Variants in SYT9 observed in about 807,000 individuals in gnomAD.
SYT9 encodes the protein synaptotagmin-9.
SYT9 carries 22 observed loss-of-function variants against 48.4 expected under a neutral mutation model. The observed-to-expected ratio is 0.45, with a 90% CI of 0.32 to 0.65. The LOEUF (loss-of-function observed/expected upper bound fraction) is 0.65, where lower values mean the gene tolerates loss of function less well. SYT9 is among the 30% of genes least tolerant of loss of function. The probability of loss-of-function intolerance (pLI) is 0.03; values close to 1 mark genes in which losing one functional copy is unlikely to be tolerated. For missense variants in SYT9, 577 were observed against 622.0 expected, an observed-to-expected ratio of 0.93 and a Z score of 0.77; for synonymous variants, 265 against 245.0, an observed-to-expected ratio of 1.08 and a Z score of -0.76.
At chr11:7,354,561 C>T (rs779694644) in intron 3 of SYT9, among the ~76,000 whole-genome samples, 1 of 152,124 alleles carries the variant, frequency 6.6e-6, no homozygotes, top group Admixed American at 6.6e-5. Flanking sequence ...GACTTCCTTC[C>T]TTTAATCTGA....
intron 1 of SYT9, among the ~76,000 whole-genome samples, chr11:7,297,090 GAGAGAGAGAGAC>G (rs1848826950): frequency 6.0e-5 from 9 of 150,408 alleles, no homozygotes; most frequent in South Asian, 4.3e-4. Context: ...GTGTGTGAGA[GAGAGAGAGAGAC>G]AGAGAGAGAG....
intron 6 of SYT9, chr11:7,441,557 C>G (rs1395066109): frequency 2.0e-5 from 3 of 152,168 alleles, no homozygotes; most frequent in Admixed American, 6.5e-5. Flanking sequence ...ATTGTAGATT[C>G]TGTGGTTAAT....
At chr11:7,448,685 C>G (rs1847984466) in intron 6 of SYT9, among the ~76,000 whole-genome samples, 1 of 152,238 alleles carries the variant, frequency 6.6e-6, no homozygotes, top group South Asian at 2.1e-4. Flanking sequence ...AGTGGCAAAA[C>G]CTGCTCTACA....
intron 3 of SYT9, among the ~76,000 whole-genome samples, chr11:7,322,832 T>C (rs901682627): frequency 6.6e-6 from 1 of 152,174 alleles, no homozygotes; most frequent in African/African-American, 2.4e-5. Context: ...ATTATCTGTA[T>C]ACTGAATTTT....
intron 3 of SYT9, among the ~76,000 whole-genome samples, chr11:7,401,283 C>G (rs1169385978): frequency 6.6e-6 from 1 of 151,052 alleles, no homozygotes; most frequent in Non-Finnish European, 1.5e-5. Flanking sequence ...ATTATCCTGT[C>G]CCCAAGACAT....
chr11:7,286,112 A>G (rs1305891970), intron 1 of SYT9, among the ~76,000 whole-genome samples: 1 of 151,754 alleles, frequency 6.6e-6, no homozygotes, highest in Admixed American at 6.6e-5. Context: ...CCCAGTGGGG[A>G]CTCTGTGTGA....
chr11:7,249,371 A>C (rs1847831442), upstream of SYT9, among the ~76,000 whole-genome samples: 1 of 152,192 alleles, frequency 6.6e-6, no homozygotes, highest in African/African-American at 2.4e-5. Context: ...GCAGGCCCAA[A>C]TTCAAGCAGA....
chr11:7,464,905 A>G (rs1244651635), intron 6 of SYT9, among the ~76,000 whole-genome samples: 1 of 150,970 alleles, frequency 6.6e-6, no homozygotes, highest in Non-Finnish European at 1.5e-5. Context: ...ACACAGTGAA[A>G]CCCCGTCTCT....
chr11:7,381,109 A>T (rs1211313758), intron 3 of SYT9, among the ~76,000 whole-genome samples: 1 of 152,150 alleles, frequency 6.6e-6, no homozygotes, highest in Non-Finnish European at 1.5e-5. Context: ...CTAGATTATA[A>T]ATTCACCTCA....
chr11:7,337,898 C>T (rs1423629385), intron 3 of SYT9, among the ~76,000 whole-genome samples: 1 of 152,182 alleles, frequency 6.6e-6, no homozygotes, highest in African/African-American at 2.4e-5. Flanking sequence ...GGAGGATTCC[C>T]TCCTCCACAG....
At chr11:7,294,171 A>G (rs533391930) in intron 1 of SYT9, among the ~76,000 whole-genome samples, 2 of 152,278 alleles carry the variant, frequency 1.3e-5, no homozygotes, top group African/African-American at 4.8e-5. Flanking sequence ...CACCTTCATT[A>G]CTTAATCATC....
chr11:7,388,667 T>C (rs945527228), intron 3 of SYT9, among the ~76,000 whole-genome samples: 2 of 152,230 alleles, frequency 1.3e-5, no homozygotes, highest in African/African-American at 4.8e-5. Flanking sequence ...TTGAAATTTA[T>C]TATTTTTATT....
chr11:7,352,111 G>T (rs1474710856), intron 3 of SYT9, among the ~76,000 whole-genome samples: 1 of 152,150 alleles, frequency 6.6e-6, no homozygotes, highest in African/African-American at 2.4e-5. Context: ...ATCCCTGAGG[G>T]GCTTGGGAAA....
At chr11:7,435,627 C>T (rs1208801182) in intron 6 of SYT9, 1 of 152,206 alleles carries the variant, frequency 6.6e-6, no homozygotes, top group African/African-American at 2.4e-5. Flanking sequence ...AGTCTCTGCA[C>T]TTTAAAAGAG....
At chr11:7,358,264 T>A (rs191323153) in intron 3 of SYT9, among the ~76,000 whole-genome samples, 1,842 of 151,272 alleles carry the variant, frequency 0.012, 33 homozygotes, top group African/African-American at 0.041. Context: ...ATAGACATTG[T>A]CTTCTTTTAA....
At chr11:7,341,349 C>A (rs1849708926) in intron 3 of SYT9, among the ~76,000 whole-genome samples, 1 of 152,140 alleles carries the variant, frequency 6.6e-6, no homozygotes, top group African/African-American at 2.4e-5. Flanking sequence ...AAATGTAGCT[C>A]CCACAATCCC....
chr11:7,360,562 C>T (rs570417177), intron 3 of SYT9, among the ~76,000 whole-genome samples: 1 of 152,212 alleles, frequency 6.6e-6, no homozygotes, highest in African/African-American at 2.4e-5. Context: ...TGAAGAGGTC[C>T]TTCACGTCCC....
chr11:7,262,936 C>T lies in SYT9; in HGVS notation c.145+10605C>T, dbSNP rs113959212. 6.4e-3 allele frequency among the ~76,000 whole-genome samples: 967 copies of T among 152,082 alleles called. 12 individuals are homozygous for T. The highest frequency in any genetic ancestry group is 0.022 in the African/African-American group (916 of 41,458). ...CAAGGGTTGTATTTATTTATTTATT[C>T]GTAAGTTAGGAGACTTAACAGCACC... On this transcript the variant is annotated intron_variant, in intron 1 of 6. Coordinates refer to ENST00000318881, the MANE Select transcript of SYT9 (RefSeq NM_175733.4).
At chr11:7,401,041 T>A (rs1846879999) in intron 3 of SYT9, among the ~76,000 whole-genome samples, 1 of 152,072 alleles carries the variant, frequency 6.6e-6, no homozygotes, top group Admixed American at 6.6e-5. Flanking sequence ...TGAATAAATA[T>A]GAGAAAGTGA....
Sources: gnomAD v4.1 joint callset for allele counts (sites outside exome capture counted in the v4.1 genomes callset) on GRCh38, gnomAD v4.1.1 for gene constraint, MANE v1.5 for transcripts, NCBI Gene and HGNC (gene_info 2026-07-23, HGNC 2026-07-21) for gene names.